Variants in ADCK5 observed in about 807,000 individuals in gnomAD.
The protein encoded by ADCK5 is aarF domain containing kinase 5.
A neutral mutation model predicts 64.9 loss-of-function variants in ADCK5; 43 were observed. The observed-to-expected ratio is 0.66, with a 90% confidence interval of 0.52 to 0.85. ADCK5 has a LOEUF of 0.85. Among genes scored for constraint, ADCK5 ranks in the 40% least tolerant of loss-of-function variants. The probability of loss-of-function intolerance (pLI) is 0.00; values close to 1 mark genes in which losing one functional copy is unlikely to be tolerated. For missense variants in ADCK5, 760 were observed against 810.5 expected, an observed-to-expected ratio of 0.94 and a Z score of 0.76; for synonymous variants, 434 against 342.8, an observed-to-expected ratio of 1.27 and a Z score of -2.94.
chr8:144,393,028 G>A lies in ADCK5; in HGVS notation c.1697G>A (p.Ser566Asn), dbSNP rs1554861704. 1 of 1,590,814 alleles carries A rather than the reference G, an allele frequency of 6.3e-7. No individual in the cohort carries two copies. Among genetic ancestry groups the A allele is most frequent in the African/African-American group, 1.3e-5 (1 of 74,812 alleles). The change falls in exon 15 of 15, where the codon AGC becomes AAC. Residue 566 changes from serine (S) to asparagine (N), a missense_variant. Ser to Asn is a conservative substitution (Grantham distance 46, BLOSUM62 1). Transcript: ENST00000308860. ...ALLARALVHL[S>N]LVPPAEELYQ... is the part of the protein sequence containing the mutation. ...CTGGCTCGTGCTCTGGTCCACCTGA[G>A]CCTCGTGCCCCCAGCGGAGGAGCTC...
chr8:144,387,402 GTTTC>G (rs1457782145), intron 3 of ADCK5, among the ~76,000 whole-genome samples: 3 of 150,740 alleles, frequency 2.0e-5, no homozygotes, highest in African/African-American at 4.9e-5. Context: ...CAGTTTGTTT[GTTTC>G]TTTATTTATT....
rs148075370 is a variant in ADCK5, at chr8:144,390,691, A to G, written c.287A>G (p.Gln96Arg). The G allele has an allele frequency of 3.9e-5, 63 of 1,613,706 alleles. No homozygotes were observed. In the African/African-American group the frequency reaches 8.1e-4, roughly 21 times the overall value. The change falls in exon 4 of 15, where the codon CAG becomes CGG. Residue 96 changes from glutamine to arginine, a missense_variant. Gln to Arg is a conservative substitution (Grantham distance 43). Coordinates refer to ENST00000308860, the MANE Select transcript of ADCK5 (RefSeq NM_174922.5). ...CGCAGGTCTCTGAAGGTCGGCCTGC[A>G]GATCTCCCTGGACTACTGGTGGTGC... is the stretch of plus-strand genomic sequence containing the variant. ...RFGRSLKVGLQISLDYWWCTN... is the reference protein window; with the variant it reads ...RFGRSLKVGLRISLDYWWCTN...
upstream of ADCK5, chr8:144,373,902 T>C (rs7836258): frequency 2.7e-3 from 1,524 of 563,622 alleles, 20 homozygotes; most frequent in African/African-American, 0.028. Flanking sequence ...GGTAAGCCTC[T>C]GGGGGCCGCC....
intron 3 of ADCK5, 97 bp downstream of exon 3, chr8:144,383,327 C>T (rs1819764473): frequency 1.3e-5 from 18 of 1,423,044 alleles, no homozygotes; most frequent in Non-Finnish European, 1.5e-5. Flanking sequence ...AGACGAGGGG[C>T]GTGAGCCTGG....
Position 144,392,765 on chromosome 8 carries a change from GGT to G in ADCK5, c.1521-5_1521-4del. 4.4e-6 allele frequency: 7 copies of G among 1,587,146 alleles called. No homozygotes were observed. The highest frequency in any genetic ancestry group is 5.1e-6 in the Non-Finnish European group (6 of 1,168,628). Reference sequence around the variant, plus strand: ...GTGGGGCTGACGCGGCGCTAACGCGGGTGTGTGCAGGGCTGTCCGGGGCTGGA... The same window carrying G: ...GTGGGGCTGACGCGGCGCTAACGCGGGTGTGCAGGGCTGTCCGGGGCTGGA... On this transcript the variant is annotated splice_polypyrimidine_tract_variant and intron_variant, in intron 13 of 14. Coordinates refer to ENST00000308860, the MANE Select transcript of ADCK5 (RefSeq NM_174922.5).
chr8:144,391,204 C>T lies in ADCK5; in HGVS notation c.614C>T (p.Pro205Leu). ...HELFQEFDYQ[P>L]IAAASLAQVH... ...CTCTTCCAGGAGTTTGACTACCAGC[C>T]AATTGCTGCCGCCAGCCTGGCACAG... is the stretch of plus-strand genomic sequence containing the variant. Residue 205 changes from proline to leucine, a missense_variant, in exon 6 of 15, where the codon CCA becomes CTA. Pro to Leu is a moderately conservative substitution (Grantham distance 98, BLOSUM62 -3). Coordinates refer to ENST00000308860, the MANE Select transcript of ADCK5 (RefSeq NM_174922.5). 1 of 1,612,638 alleles carries T rather than the reference C, an allele frequency of 6.2e-7. No homozygotes were observed. Among genetic ancestry groups the T allele is most frequent in the Non-Finnish European group, 8.5e-7 (1 of 1,180,032 alleles).
intron 1 of ADCK5, chr8:144,375,432 C>A: frequency 1.0e-6 from 1 of 982,998 alleles, no homozygotes. Context: ...CTGTTGGGTT[C>A]CCCAGGCTCT....
chr8:144,387,081 C>T (rs1054031970), intron 3 of ADCK5, among the ~76,000 whole-genome samples: 1 of 152,262 alleles, frequency 6.6e-6, no homozygotes, highest in Admixed American at 6.5e-5. Flanking sequence ...CACAGCCATG[C>T]CCATGCATTG....
At position 144,379,377 on chromosome 8, in the gene ADCK5, C is replaced by G; in HGVS notation, c.13-10C>G. 1 of 1,594,482 alleles carries G rather than the reference C, an allele frequency of 6.3e-7. No homozygotes were observed. On this transcript the variant is annotated splice_polypyrimidine_tract_variant and intron_variant, in intron 1 of 14. Transcript: ENST00000308860. ...CTCGTTCGACCCCACACAATTTCCT[C>G]TCTTTGCAGGTGCAGCTCTGTCATT...
chr8:144,391,499 C>A, intron 7 of ADCK5, 25 bp downstream of exon 7: 1 of 1,598,898 alleles, frequency 6.3e-7, no homozygotes. Flanking sequence ...CTTCCCCGGC[C>A]AGCAGGAGCA....
Position 144,392,748 on chromosome 8 carries a change from GACGCGGCGCTA to G in ADCK5, c.1521-21_1521-11del. ...GCCGTGGTGGGGCTGGTGTGGGGCT[GACGCGGCGCTA>G]ACGCGGGTGTGTGCAGGGCTGTCCG... On this transcript the variant is annotated splice_polypyrimidine_tract_variant and intron_variant, in intron 13 of 14. Transcript: ENST00000308860. 5 of 1,586,600 alleles carry G rather than the reference GACGCGGCGCTA, an allele frequency of 3.2e-6. No individual in the cohort carries two copies. Among genetic ancestry groups the G allele is most frequent in the Non-Finnish European group, 3.4e-6 (4 of 1,167,372 alleles).
At position 144,392,996 on chromosome 8, in the gene ADCK5, C is replaced by T. The variant is rs1185147918; in HGVS notation, c.1665C>T (p.Thr555=). Residue 555 remains threonine, a synonymous_variant, in exon 15 of 15, where the codon ACC becomes ACT. Coordinates refer to ENST00000308860, the MANE Select transcript of ADCK5 (RefSeq NM_174922.5). ...LRLETLAMRL[T]ALLARALVHL... ...TGGAGACCTTGGCCATGCGGCTGAC[C>T]GCCCTCCTGGCTCGTGCTCTGGTCC... The T allele has an allele frequency of 6.9e-6, 11 of 1,588,988 alleles. No homozygotes were observed. The highest frequency in any genetic ancestry group is 2.3e-5 in the South Asian group (2 of 87,826).
In ADCK5 at chr8:144,384,413, A is replaced by G. The variant is rs1264042856; in HGVS notation, c.266+1183A>G. Among the ~76,000 whole-genome samples, 3 of 152,138 alleles carry G rather than the reference A, an allele frequency of 2.0e-5. No individual in the cohort carries two copies. The highest frequency in any genetic ancestry group is 2.1e-4 in the South Asian group (1 of 4,828). On this transcript the variant is annotated intron_variant, in intron 3 of 14. Coordinates refer to ENST00000308860, the MANE Select transcript of ADCK5 (RefSeq NM_174922.5). The surrounding 1 kb of genome is among the most constrained non-coding windows in gnomAD (Gnocchi z 5.7). ...AGTGGAAGCTTGTGGATAGCTGGGC[A>G]CCTGAGGATTTTCAGCCTAAAAGAC...
chr8:144,382,536 C>T (rs1334255922), intron 2 of ADCK5, among the ~76,000 whole-genome samples: 1 of 152,206 alleles, frequency 6.6e-6, no homozygotes, highest in Non-Finnish European at 1.5e-5. Flanking sequence ...TGGGCTCTTG[C>T]TGTATTCAGC....
At chr8:144,388,351 CA>C (rs2130719135) in intron 3 of ADCK5, among the ~76,000 whole-genome samples, 2 of 143,866 alleles carry the variant, frequency 1.4e-5, no homozygotes, top group South Asian at 4.4e-4. Context: ...AGCGAGATTC[CA>C]TCTCAAAAAA....
chr8:144,386,005 C>G (rs868942294), intron 3 of ADCK5, among the ~76,000 whole-genome samples: 2 of 151,910 alleles, frequency 1.3e-5, no homozygotes, highest in African/African-American at 4.8e-5. Flanking sequence ...TTTCCCCCAC[C>G]GCCCCTTTTT....
rs1554857688 is a variant in ADCK5, at chr8:144,379,397, G to A, written c.23G>A (p.Cys8Tyr). 1.2e-6 allele frequency: 2 copies of A among 1,606,626 alleles called. No homozygotes were observed. The highest frequency in any genetic ancestry group is 1.3e-5 in the African/African-American group (1 of 74,688). Residue 8 changes from cysteine (C) to tyrosine (Y), a missense_variant, in exon 2 of 15, where the codon TGT becomes TAT. By Grantham distance (194) the Cys-to-Tyr change is radical. This residue lies in a region of ADCK5 where 427 missense variants were observed against 518.4 expected (regional missense o/e 0.82). Transcript: ENST00000308860. ...TTCCTCTCTTTGCAGGTGCAGCTCT[G>A]TCATTTCCACTCTGCTCTGCTGCAC... MWRPVQL[C>Y]HFHSALLHSR... is the part of the protein sequence containing the mutation.
chr8:144,379,089 A>G (rs1243886440), intron 1 of ADCK5, among the ~76,000 whole-genome samples: 5 of 151,888 alleles, frequency 3.3e-5, no homozygotes, highest in Admixed American at 3.3e-4. Flanking sequence ...ATGCACCACT[A>G]TGCCCAACTA....
At position 144,379,470 on chromosome 8, in the gene ADCK5, C is replaced by T. The variant is rs140712091; in HGVS notation, c.96C>T (p.Asn32=). 27 of 1,605,234 alleles carry T rather than the reference C, an allele frequency of 1.7e-5. No individual in the cohort carries two copies. Among genetic ancestry groups the T allele is most frequent in the East Asian group, 4.5e-5 (2 of 44,478 alleles). The part of the protein sequence containing the change: ...WPSPAVFFRR[N]VRGLPPRFSS... The stretch of plus-strand genomic sequence containing the variant: ...CCCCTGCTGTGTTCTTCAGGAGAAA[C>T]GTCAGGGGCCTTCCTCCAAGGTAAC... Residue 32 remains asparagine, a synonymous_variant, in exon 2 of 15, where the codon AAC becomes AAT. Transcript: ENST00000308860.
Sources: gnomAD v4.1 joint callset for allele counts (sites outside exome capture counted in the v4.1 genomes callset) on GRCh38, gnomAD v4.1.1 for gene constraint, gnomAD v4.1.1 regional missense constraint, Gnocchi (gnomAD v3.1) non-coding constraint, MANE v1.5 for transcripts, NCBI Gene and HGNC (gene_info 2026-07-23, HGNC 2026-07-21) for gene names.